ATP9A: variants seen among roughly 807,000 people sequenced by gnomAD.
ATP9A encodes the protein ATPase phospholipid transporting 9A.
A neutral mutation model predicts 144.1 loss-of-function variants in ATP9A; 52 were observed. The ratio of observed to expected loss-of-function variants is 0.36; its 90% confidence interval spans 0.29 to 0.45. ATP9A has a LOEUF of 0.45. Among genes scored for constraint, ATP9A ranks in the 20% least tolerant of loss-of-function variants. ATP9A has a pLI of 1.00. For synonymous variants in ATP9A, 582 were observed against 557.4 expected (o/e 1.04, Z -0.62); for missense variants, 947 against 1,392.7 (o/e 0.68, Z 5.09).
At chr20:51,736,492 A>AT (rs60253299) in intron 1 of ATP9A, among the ~76,000 whole-genome samples, 50,149 of 143,406 alleles carry the variant, frequency 0.35, 8,623 homozygotes, top group Non-Finnish European at 0.38. Flanking sequence ...AGTTACTCTT[A>AT]TTTTTTTTTT....
chr20:51,627,768 C>G (rs2077255435), intron 16 of ATP9A, 85 bp from the exon 17 acceptor site: 1 of 1,106,458 alleles, frequency 9.0e-7, no homozygotes, highest in Non-Finnish European at 1.4e-6. Flanking sequence ...AGTGGATGTG[C>G]CCCTCCCACA....
chr20:51,651,362 TTA>T lies in ATP9A; in HGVS notation c.1506+5574_1506+5575del, dbSNP rs547901464. On this transcript the variant is annotated intron_variant, in intron 14 of 27. Transcript: ENST00000338821. ...ATATATTATATAATATATATTTACATTATATATATTTCTTTACATATTTATAA... is the reference window on the plus strand; with the variant it reads ...ATATATTATATAATATATATTTACATTATATATTTCTTTACATATTTATAA... 1.8e-3 allele frequency among the ~76,000 whole-genome samples: 257 copies of T among 142,212 alleles called. 1 individual carries two copies. The highest frequency in any genetic ancestry group is 6.0e-3 in the African/African-American group (234 of 38,738). The allele number at this position is 142,212 out of a possible 152,430, so 93.3% of individuals were successfully genotyped here.
At chr20:51,647,412 G>A (rs963858433) in intron 14 of ATP9A, among the ~76,000 whole-genome samples, 3 of 151,768 alleles carry the variant, frequency 2.0e-5, no homozygotes, top group Admixed American at 1.3e-4. Context: ...TTAGCCAGGC[G>A]TGGTGGCACA....
intron 1 of ATP9A, among the ~76,000 whole-genome samples, chr20:51,763,224 C>T (rs186538804): frequency 2.6e-3 from 397 of 150,772 alleles, no homozygotes; most frequent in African/African-American, 9.3e-3. Context: ...AGGAGACTTT[C>T]GGAGGTGATG....
chr20:51,750,281 C>T (rs888173287), intron 1 of ATP9A, among the ~76,000 whole-genome samples: 1 of 152,196 alleles, frequency 6.6e-6, no homozygotes, highest in Non-Finnish European at 1.5e-5. Context: ...CCATTCACCT[C>T]CCCCAGGCCT....
intron 15 of ATP9A, among the ~76,000 whole-genome samples, chr20:51,635,843 A>AGGG (rs2077289676): frequency 9.3e-5 from 3 of 32,124 alleles, no homozygotes; most frequent in Admixed American, 3.0e-4. Flanking sequence ...GGAGGGAGGG[A>AGGG]AAAAGGAAGG....
chr20:51,737,709 T>C (rs2077768214), intron 1 of ATP9A, among the ~76,000 whole-genome samples: 1 of 152,202 alleles, frequency 6.6e-6, no homozygotes, highest in East Asian at 1.9e-4. Flanking sequence ...TATTACACTT[T>C]TCAATATTGA....
Position 51,604,809 on chromosome 20 carries a change from G to C in ATP9A, c.3007+8C>G, listed in dbSNP as rs2077156767. ...GACGGACGGGGTTTAAGCATTCAGG[G>C]GTCTTACCGATGAACTCGTGTAAGA... On this transcript the variant is annotated splice_region_variant and intron_variant, in intron 27 of 27. Transcript: ENST00000338821. 1 of 1,491,346 alleles carries C rather than the reference G, an allele frequency of 6.7e-7. No homozygotes were observed. Among genetic ancestry groups the C allele is most frequent in the Non-Finnish European group, 9.0e-7 (1 of 1,114,490 alleles). 92.4% of individuals were successfully genotyped at this position (1,491,346 alleles called of 1,614,324 possible). A position where few individuals can be genotyped will look rare whatever the true frequency, so the allele number is the denominator to read the frequency against.
At chr20:51,755,650 T>C (rs1453920972) in intron 1 of ATP9A, among the ~76,000 whole-genome samples, 1 of 151,740 alleles carries the variant, frequency 6.6e-6, no homozygotes, top group Non-Finnish European at 1.5e-5. Flanking sequence ...ACATAATACA[T>C]ACTGAATGAT....
At chr20:51,625,454 C>A in intron 17 of ATP9A, 92 bp from the exon 18 acceptor site, 2 of 1,421,732 alleles carry the variant, frequency 1.4e-6, no homozygotes, top group Admixed American at 2.3e-5. Context: ...CACACCCGAT[C>A]CCCACCACAC....
chr20:51,604,654 G>C (rs2077156153), intron 27 of ATP9A, among the ~76,000 whole-genome samples, 163 bp downstream of exon 27: 1 of 152,144 alleles, frequency 6.6e-6, no homozygotes, highest in Non-Finnish European at 1.5e-5. Context: ...CCTGTCCCTA[G>C]AGAACACCTG....
At chr20:51,734,665 AAAGG>A (rs920824722) in intron 1 of ATP9A, 1 of 153,192 alleles carries the variant, frequency 6.5e-6, no homozygotes, top group Non-Finnish European at 1.5e-5. Context: ...AGAAAGAAAG[AAAGG>A]AAGAAATCCC....
intron 1 of ATP9A, among the ~76,000 whole-genome samples, chr20:51,756,344 G>A (rs2077856116): frequency 1.3e-5 from 2 of 151,494 alleles, no homozygotes; most frequent in African/African-American, 2.4e-5. Flanking sequence ...AGGCTGGAGT[G>A]CAGGGGCATG....
intron 9 of ATP9A, among the ~76,000 whole-genome samples, chr20:51,685,308 C>G (rs1250337417): frequency 1.3e-5 from 2 of 152,134 alleles, no homozygotes; most frequent in Non-Finnish European, 2.9e-5. Context: ...CGCCTGTAAT[C>G]CCAGCACTTT....
In ATP9A at chr20:51,755,503, C is replaced by T. The variant is rs540326800; in HGVS notation, c.68+12799G>A. On this transcript the variant is annotated intron_variant, in intron 1 of 27. Coordinates refer to ENST00000338821, the MANE Select transcript of ATP9A (RefSeq NM_006045.3). ...TCAGAATGGCTGAAACAAAAGGTGACGGACAATACCAAGTGTTGATGAGGA... is the reference window on the plus strand; with the variant it reads ...TCAGAATGGCTGAAACAAAAGGTGATGGACAATACCAAGTGTTGATGAGGA... 3.9e-5 allele frequency among the ~76,000 whole-genome samples: 6 copies of T among 152,052 alleles called. No individual in the cohort carries two copies. In the South Asian group the frequency reaches 6.2e-4, roughly 16 times the overall value.
intron 3 of ATP9A, among the ~76,000 whole-genome samples, chr20:51,724,118 C>A (rs1019080084): frequency 3.3e-5 from 5 of 151,962 alleles, no homozygotes; most frequent in African/African-American, 1.2e-4. Flanking sequence ...TTGTGGTGAG[C>A]TGAAATTGCG....
At chr20:51,717,738 G>A (rs2077668359) in intron 3 of ATP9A, among the ~76,000 whole-genome samples, 2 of 152,238 alleles carry the variant, frequency 1.3e-5, no homozygotes, top group Admixed American at 6.5e-5. Flanking sequence ...GGCAGATCAT[G>A]AGGTCAGGAG....
chr20:51,661,367 C>CTT (rs35618042), intron 13 of ATP9A, among the ~76,000 whole-genome samples: 3 of 145,938 alleles, frequency 2.1e-5, no homozygotes, highest in Non-Finnish European at 1.5e-5. Context: ...CTGAAATACA[C>CTT]TTTTTTTTTT....
At chr20:51,670,170 G>A in intron 12 of ATP9A, 61 bp from the exon 13 acceptor site, 1 of 1,288,460 alleles carries the variant, frequency 7.8e-7, no homozygotes, top group Non-Finnish European at 1.1e-6. Context: ...ATTATTAACA[G>A]TAATGACAGC....
Sources: allele counts gnomAD v4.1 joint callset (sites outside exome capture counted in the v4.1 genomes callset), GRCh38; gene constraint gnomAD v4.1.1; transcripts MANE v1.5; gene names NCBI Gene and HGNC (gene_info 2026-07-23, HGNC 2026-07-21).